EPS15: variants seen among roughly 807,000 people sequenced by gnomAD.
The protein encoded by EPS15 is epidermal growth factor receptor pathway substrate 15.
EPS15 carries 72 observed loss-of-function variants against 113.8 expected under a neutral mutation model. That is an observed-to-expected ratio of 0.63 (90% CI 0.52 to 0.77). The LOEUF (loss-of-function observed/expected upper bound fraction) is 0.77. Among genes scored for constraint, EPS15 ranks in the 30% least tolerant of loss-of-function variants. EPS15 has a pLI of 0.00. For missense variants in EPS15, 1,048 were observed against 1,045.8 expected, an observed-to-expected ratio of 1.00 and a Z score of -0.03; for synonymous variants, 344 against 363.4, an observed-to-expected ratio of 0.95 and a Z score of 0.61.
chr1:51,447,257 A>C, intron 9 of EPS15, 152 bp from the exon 10 acceptor site: 5 of 636,900 alleles, frequency 7.9e-6, no homozygotes, highest in Non-Finnish European at 1.0e-5. Context: ...ATGACATCTC[A>C]ATCAAAATGC....
intron 22 of EPS15, 39 bp downstream of exon 22, chr1:51,365,914 A>T: frequency 7.3e-7 from 1 of 1,374,530 alleles, no homozygotes; most frequent in Non-Finnish European, 1.0e-6. Context: ...TGGTGGAAAC[A>T]CAGTATGTTT....
intron 24 of EPS15, among the ~76,000 whole-genome samples, chr1:51,359,629 A>G (rs1463960108): frequency 7.1e-6 from 1 of 140,742 alleles, no homozygotes; most frequent in Non-Finnish European, 1.5e-5. Flanking sequence ...TGTGGTGGGT[A>G]TGCCTGCAAT....
intron 1 of EPS15, among the ~76,000 whole-genome samples, chr1:51,514,898 T>C (rs1644687029): frequency 1.3e-5 from 2 of 152,224 alleles, no homozygotes; most frequent in Admixed American, 6.5e-5. Flanking sequence ...TTAATGTGCC[T>C]TTCCCATTGT....
intron 1 of EPS15, among the ~76,000 whole-genome samples, chr1:51,512,180 C>T (rs1224834841): frequency 6.6e-6 from 1 of 152,058 alleles, no homozygotes. Flanking sequence ...TGGGAAACTA[C>T]AGGAGTAGCT....
intron 18 of EPS15, 35 bp downstream of exon 18, chr1:51,402,400 G>T (rs1004926735): frequency 1.8e-6 from 2 of 1,103,206 alleles, no homozygotes; most frequent in Non-Finnish European, 2.6e-6. Flanking sequence ...TCTTTTTTTT[G>T]GGTAAATCTA....
At chr1:51,375,846 A>G (rs1646784596) in intron 21 of EPS15, among the ~76,000 whole-genome samples, 1 of 152,256 alleles carries the variant, frequency 6.6e-6, no homozygotes. Context: ...ACATAAATAC[A>G]TAAATAGGGC....
At chr1:51,436,867 C>T (rs191682712) in intron 12 of EPS15, among the ~76,000 whole-genome samples, 42 of 152,020 alleles carry the variant, frequency 2.8e-4, no homozygotes, top group African/African-American at 9.4e-4. Flanking sequence ...GGTGAGGGGA[C>T]AATTAGGGAA....
At chr1:51,457,043 T>C (rs959125942) in intron 8 of EPS15, among the ~76,000 whole-genome samples, 42 of 152,134 alleles carry the variant, frequency 2.8e-4, no homozygotes, top group African/African-American at 8.2e-4. Flanking sequence ...CCCAGCACTT[T>C]TGGAGGCCGA....
chr1:51,449,557 A>T lies in EPS15; in HGVS notation c.562-1422T>A, dbSNP rs189146355. On this transcript the variant is annotated intron_variant, in intron 8 of 24. Coordinates refer to ENST00000371733, the MANE Select transcript of EPS15 (RefSeq NM_001981.3). ...ACCTATATAACAAACCTGTACATGT[A>T]CCCCTGAACCTAAAATAAGAGTTAA... Among the ~76,000 whole-genome samples the T allele has an allele frequency of 5.3e-5, 8 of 152,086 alleles. No homozygotes were observed. In the East Asian group the frequency reaches 1.3e-3, roughly 26 times the overall value.
At chr1:51,387,391 C>G (rs552797279) in intron 21 of EPS15, among the ~76,000 whole-genome samples, 282 of 152,142 alleles carry the variant, frequency 1.9e-3, no homozygotes, top group African/African-American at 6.7e-3. Flanking sequence ...ACCATCGAGA[C>G]TAGGAAGAAA....
At chr1:51,478,359 G>A (rs1323368352) in intron 2 of EPS15, among the ~76,000 whole-genome samples, 1 of 152,186 alleles carries the variant, frequency 6.6e-6, no homozygotes, top group Non-Finnish European at 1.5e-5. Flanking sequence ...CTCTGCACAT[G>A]AGATGGGTCT....
intron 1 of EPS15, among the ~76,000 whole-genome samples, chr1:51,507,942 C>T (rs2148559762): frequency 6.6e-6 from 1 of 151,992 alleles, no homozygotes; most frequent in Admixed American, 6.6e-5. Flanking sequence ...CTTTGGGAGG[C>T]CGAGGCAGGT....
At position 51,390,776 on chromosome 1, in the gene EPS15, C is replaced by T. The variant is rs550504561; in HGVS notation, c.2119+3605G>A. Among the ~76,000 whole-genome samples, 318 of 152,236 alleles carry T rather than the reference C, an allele frequency of 2.1e-3. 3 individuals carry two copies. The highest frequency in any genetic ancestry group is 7.4e-3 in the African/African-American group (307 of 41,550). On this transcript the variant is annotated intron_variant, in intron 21 of 24. Coordinates refer to ENST00000371733, the MANE Select transcript of EPS15 (RefSeq NM_001981.3). Reference sequence around the variant, plus strand: ...AAAACCACAATGAGATACCATCTCACACCAGTTAGAATGGCAATCATTAAA... The same window carrying T: ...AAAACCACAATGAGATACCATCTCATACCAGTTAGAATGGCAATCATTAAA...
intron 13 of EPS15, among the ~76,000 whole-genome samples, chr1:51,411,692 A>G (rs1189979148): frequency 6.6e-6 from 1 of 152,114 alleles, no homozygotes; most frequent in African/African-American, 2.4e-5. Flanking sequence ...TCTCTCATTA[A>G]CCCGTCAGGA....
chr1:51,515,694 A>C (rs1180855804), intron 1 of EPS15, among the ~76,000 whole-genome samples: 2 of 152,240 alleles, frequency 1.3e-5, no homozygotes, highest in East Asian at 3.8e-4. Flanking sequence ...TATCCTCAAG[A>C]GGCTTACTAC....
intron 20 of EPS15, chr1:51,397,314 G>T (rs1648051518): frequency 6.6e-6 from 1 of 152,166 alleles, no homozygotes. Context: ...TGCCAATCTG[G>T]TTTTTTGTTT....
chr1:51,508,198 G>GAAAAT (rs1644532841), intron 1 of EPS15, among the ~76,000 whole-genome samples: 1 of 59,194 alleles, frequency 1.7e-5, no homozygotes, highest in East Asian at 3.0e-4. Flanking sequence ...GAAAAGAAAA[G>GAAAAT]AAAAGAAAAG....
At chr1:51,464,431 G>A (rs964457360) in intron 6 of EPS15, among the ~76,000 whole-genome samples, 4 of 151,866 alleles carry the variant, frequency 2.6e-5, no homozygotes, top group South Asian at 2.1e-4. Context: ...TAGTAGACAC[G>A]GGGTTTCACT....
chr1:51,483,731 G>A (rs1207850380), intron 1 of EPS15, among the ~76,000 whole-genome samples: 2 of 151,632 alleles, frequency 1.3e-5, no homozygotes, highest in East Asian at 1.9e-4. Flanking sequence ...GCTTGAACCC[G>A]GGAGGTGGAG....
Sources: gnomAD v4.1 joint callset for allele counts (sites outside exome capture counted in the v4.1 genomes callset) on GRCh38, gnomAD v4.1.1 for gene constraint, MANE v1.5 for transcripts, NCBI Gene and HGNC (gene_info 2026-07-23, HGNC 2026-07-21) for gene names.